The following SNED1 variants were observed in gnomAD, a reference collection of about 807,000 sequenced individuals.
SNED1 encodes sushi, nidogen and EGF like domains 1.
Under a neutral mutation model 166.7 loss-of-function variants are expected in SNED1, and 81 were observed. That is an observed-to-expected ratio of 0.49 (90% CI 0.41 to 0.58). The LOEUF (loss-of-function observed/expected upper bound fraction) is 0.58, where lower values mean the gene tolerates loss of function less well. Ranked by LOEUF, SNED1 falls within the 20% of genes least tolerant of loss-of-function variation. The probability of loss-of-function intolerance (pLI) is 0.00; values close to 1 mark genes in which losing one functional copy is unlikely to be tolerated. For missense variants in SNED1, 1,604 were observed against 2,000.2 expected (o/e 0.80, Z 3.78); for synonymous variants, 762 against 822.0 (o/e 0.93, Z 1.25).
chr2:241,027,267 A>G (rs6437229), intron 1 of SNED1, among the ~76,000 whole-genome samples: 112,604 of 152,010 alleles, frequency 0.74, 42,667 homozygotes, highest in African/African-American at 0.9. Flanking sequence ...TTTTAGTAGA[A>G]ATAGAGTTTT....
rs10664618 is a variant in SNED1 at position 241,024,235 on chromosome 2, C to CTTTTTTTTT, written c.214-6028_214-6020dup. Among the ~76,000 whole-genome samples, 13 of 46,938 alleles carry CTTTTTTTTT rather than the reference C, an allele frequency of 2.8e-4. 1 individual carries two copies. Among genetic ancestry groups the CTTTTTTTTT allele is most frequent in the African/African-American group, 8.4e-4 (10 of 11,924 alleles). The allele number at this position is 46,938 out of a possible 152,430, so 30.8% of individuals were successfully genotyped here. A position where few individuals can be genotyped will look rare whatever the true frequency, so the allele number is the denominator to read the frequency against. ...GTGTAGTTGTATTTCACTCTACTAC[C>CTTTTTTTTT]TTTTTTTTTTTTTTTTTTTTTTTTT... On this transcript the variant is annotated intron_variant, in intron 1 of 31. Coordinates refer to ENST00000310397, the MANE Select transcript of SNED1 (RefSeq NM_001080437.3).
At chr2:241,037,015 G>A in intron 5 of SNED1, 100 bp downstream of exon 5, 1 of 1,415,814 alleles carries the variant, frequency 7.1e-7, no homozygotes, top group Non-Finnish European at 9.6e-7. Flanking sequence ...AGGGTCCCAG[G>A]TCAGGAGTCT....
intron 16 of SNED1, among the ~76,000 whole-genome samples, chr2:241,056,681 C>T (rs193260670): frequency 1.1e-4 from 17 of 149,162 alleles, no homozygotes; most frequent in East Asian, 4.0e-4. Context: ...CCTGGGTTCA[C>T]GCCATTCTCC....
rs979244548 is a variant in SNED1 at position 241,064,630 on chromosome 2, G to A, written c.2600-214G>A. On this transcript the variant is annotated intron_variant, in intron 19 of 31. Coordinates refer to ENST00000310397, the MANE Select transcript of SNED1 (RefSeq NM_001080437.3). The surrounding 1 kb of genome is among the most constrained non-coding windows in gnomAD (Gnocchi z 7.0). ...TCTCCTCCCCTCAGCCAGTCCGGCT[G>A]GTGGCACTCCGCTGTGGAGGGTGGA... is the stretch of plus-strand genomic sequence containing the variant. Among the ~76,000 whole-genome samples, 1 of 152,186 alleles carries A rather than the reference G, an allele frequency of 6.6e-6. No individual in the cohort carries two copies. The highest frequency in any genetic ancestry group is 1.5e-5 in the Non-Finnish European group (1 of 68,030).
chr2:241,044,226 A>C (rs1273269939), intron 8 of SNED1, among the ~76,000 whole-genome samples: 3 of 152,242 alleles, frequency 2.0e-5, no homozygotes. Flanking sequence ...TTAAAATGTA[A>C]AATGATTAAA....
rs914601442 is a variant in SNED1, at chr2:241,018,943, G to A, written c.214-11341G>A. Among the ~76,000 whole-genome samples, 10 of 152,150 alleles carry A rather than the reference G, an allele frequency of 6.6e-5. No individual in the cohort carries two copies. Among genetic ancestry groups the A allele is most frequent in the Admixed American group, 3.3e-4 (5 of 15,276 alleles). ...GAAACGGTCAGGGCCAAACCTCAAGGCTTCCAGGTAGGTCTGTGTCACCCC... is the reference window on the plus strand; with the variant it reads ...GAAACGGTCAGGGCCAAACCTCAAGACTTCCAGGTAGGTCTGTGTCACCCC... On this transcript the variant is annotated intron_variant, in intron 1 of 31. Transcript: ENST00000310397. The surrounding 1 kb of genome is among the most constrained non-coding windows in gnomAD (Gnocchi z 5.4).
Position 241,075,708 on chromosome 2 carries a change from A to G in SNED1, c.3916+2344A>G, listed in dbSNP as rs2062987659. ...CTAATAGAGAAAAGTTCATAATCAA[A>G]TTTATCAAGCATTAGTGGTTAACAA... On this transcript the variant is annotated intron_variant, in intron 27 of 31. Coordinates refer to ENST00000310397, the MANE Select transcript of SNED1 (RefSeq NM_001080437.3). This position sits in a 1 kb window ranked among gnomAD's most constrained non-coding sequence, Gnocchi z 4.8. 1 of 152,032 alleles carries G rather than the reference A, an allele frequency of 6.6e-6. No homozygotes were observed. Among genetic ancestry groups the G allele is most frequent in the Non-Finnish European group, 1.5e-5 (1 of 67,976 alleles). The allele number at this position is 152,032 out of a possible 1,614,324, so 9.4% of individuals were successfully genotyped here.
At chr2:241,079,040 G>A (rs1486607863) in intron 27 of SNED1, among the ~76,000 whole-genome samples, 1 of 151,292 alleles carries the variant, frequency 6.6e-6, no homozygotes, top group Non-Finnish European at 1.5e-5. Context: ...CTTGAACCCA[G>A]GAGGCGGAGG....
intron 16 of SNED1, among the ~76,000 whole-genome samples, chr2:241,056,025 T>C (rs1424875582): frequency 6.7e-6 from 1 of 149,242 alleles, no homozygotes; most frequent in Admixed American, 6.6e-5. Context: ...ACTGTTCTTA[T>C]ACGCACTATG....
At position 241,073,731 on chromosome 2, in the gene SNED1, C is replaced by T; in HGVS notation, c.3916+367C>T. ...CACCCCTCACTTCTCCAAAGAGGAG[C>T]AGGCGGAGTCAGGATGGGAGAAGCA... On this transcript the variant is annotated intron_variant, in intron 27 of 31. Transcript: ENST00000310397. The surrounding 1 kb of genome is among the most constrained non-coding windows in gnomAD (Gnocchi z 6.6). The T allele has an allele frequency of 2.4e-6, 1 of 410,006 alleles. No homozygotes were observed. Among genetic ancestry groups the T allele is most frequent in the Non-Finnish European group, 4.4e-6 (1 of 229,692 alleles). 25.4% of individuals were successfully genotyped at this position (410,006 alleles called of 1,614,324 possible). A position where few individuals can be genotyped will look rare whatever the true frequency, so the allele number is the denominator to read the frequency against.
At position 241,062,995 on chromosome 2, in the gene SNED1, G is replaced by C. The variant is rs1423100089; in HGVS notation, c.2371+91G>C. The stretch of plus-strand genomic sequence containing the variant: ...GGGTCCCCCGGACAGGTCTCTGTCT[G>C]GATGGCCAGGGTGGCCACTGCATGC... On this transcript the variant is annotated intron_variant, in intron 17 of 31. Coordinates refer to ENST00000310397, the MANE Select transcript of SNED1 (RefSeq NM_001080437.3). 6 of 798,404 alleles carry C rather than the reference G, an allele frequency of 7.5e-6. No individual in the cohort carries two copies. The Admixed American group carries it at 1.7e-4, about 23-fold the overall frequency. The allele number at this position is 798,404 out of a possible 1,614,324, so 49.5% of individuals were successfully genotyped here. A position where few individuals can be genotyped will look rare whatever the true frequency, so the allele number is the denominator to read the frequency against.
intron 31 of SNED1, among the ~76,000 whole-genome samples, chr2:241,089,709 C>T (rs912475409): frequency 1.3e-5 from 2 of 152,230 alleles, no homozygotes; most frequent in African/African-American, 2.4e-5. Context: ...TTCCTACAGC[C>T]GAGCATCACT....
chr2:241,054,831 T>C (rs759369368), intron 16 of SNED1, among the ~76,000 whole-genome samples: 129 of 152,214 alleles, frequency 8.5e-4, no homozygotes, highest in Non-Finnish European at 1.5e-3. Context: ...AAAGAAAATG[T>C]TGGGGCCAGG....
chr2:241,077,728 C>T (rs1375914073), intron 27 of SNED1, among the ~76,000 whole-genome samples: 1 of 152,158 alleles, frequency 6.6e-6, no homozygotes, highest in African/African-American at 2.4e-5. Context: ...ATGCAAATGG[C>T]CAGTAATCAC....
Position 241,063,621 on chromosome 2 carries a change from T to C in SNED1, c.2406T>C (p.Asn802=), listed in dbSNP as rs1245028376. ...RDECRAHPCR[N]GGSCRNLPGA... ...AGTGCCGAGCTCACCCGTGCAGAAA[T>C]GGAGGGTCCTGCAGGAACCTCCCAG... Residue 802 remains asparagine (N), a synonymous_variant, in exon 18 of 32, where the codon AAT becomes AAC. Transcript: ENST00000310397. 3 of 1,611,760 alleles carry C rather than the reference T, an allele frequency of 1.9e-6. No individual in the cohort carries two copies. Among genetic ancestry groups the C allele is most frequent in the Non-Finnish European group, 1.7e-6 (2 of 1,179,048 alleles).
chr2:241,085,486 A>G (rs78942054), intron 29 of SNED1, among the ~76,000 whole-genome samples: 2,496 of 152,218 alleles, frequency 0.016, 62 homozygotes, highest in African/African-American at 0.057. Context: ...ATTTTCCTTT[A>G]GCTCACTGAA....
chr2:241,016,855 T>C lies in SNED1; in HGVS notation c.214-13429T>C, dbSNP rs866573060. Reference sequence around the variant, plus strand: ...AGTTGCATTTTTCTTTCTTTCTTTTTTTTTTTTTTTTTTGAGACGGAGGTT... The same window carrying C: ...AGTTGCATTTTTCTTTCTTTCTTTTCTTTTTTTTTTTTTGAGACGGAGGTT... On this transcript the variant is annotated intron_variant, in intron 1 of 31. Transcript: ENST00000310397. Among the ~76,000 whole-genome samples, 88 of 149,986 alleles carry C rather than the reference T, an allele frequency of 5.9e-4. 1 individual carries two copies. Among genetic ancestry groups the C allele is most frequent in the Middle Eastern group, 3.4e-3 (1 of 290 alleles).
At chr2:241,048,864 C>A in intron 10 of SNED1, 98 bp downstream of exon 10, 2 of 1,221,948 alleles carry the variant, frequency 1.6e-6, no homozygotes, top group Non-Finnish European at 2.3e-6. Flanking sequence ...TCCAGACTGT[C>A]GACCATTGGT....
At chr2:241,081,400 T>TCC (rs1195955306) in intron 27 of SNED1, among the ~76,000 whole-genome samples, 8 of 152,238 alleles carry the variant, frequency 5.3e-5, no homozygotes, top group East Asian at 1.9e-4. Flanking sequence ...TCCCTCCTCC[T>TCC]TCTCCTCCTC....
Sources: allele counts gnomAD v4.1 joint callset (sites outside exome capture counted in the v4.1 genomes callset), GRCh38; gene constraint gnomAD v4.1.1; non-coding constraint Gnocchi (gnomAD v3.1); transcripts MANE v1.5; gene names NCBI Gene and HGNC (gene_info 2026-07-23, HGNC 2026-07-21).